Variants in SUGCT observed in about 807,000 individuals in gnomAD.
SUGCT encodes succinyl-CoA:glutarate-CoA transferase.
In SUGCT, 41 loss-of-function variants were observed where a neutral mutation model predicts 55.0. That is an observed-to-expected ratio of 0.74 (90% confidence interval 0.58 to 0.97). SUGCT has a LOEUF of 0.97. Ranked by LOEUF, SUGCT falls within the 50% of genes least tolerant of loss-of-function variation. The pLI, the probability that SUGCT is intolerant of heterozygous loss-of-function variation, is 0.00. For missense variants in SUGCT, 568 were observed against 547.8 expected (o/e 1.04, Z -0.37); for synonymous variants, 187 against 200.4 (o/e 0.93, Z 0.56).
intron 12 of SUGCT, among the ~76,000 whole-genome samples, chr7:40,717,419 G>A (rs6462988): frequency 3.9e-5 from 6 of 152,040 alleles, no homozygotes; most frequent in South Asian, 4.2e-4. Flanking sequence ...AGCTCCTCCC[G>A]TGCACAAGGC....
chr7:40,513,083 A>G (rs547985203), intron 12 of SUGCT, among the ~76,000 whole-genome samples: 33 of 152,222 alleles, frequency 2.2e-4, no homozygotes, highest in African/African-American at 7.7e-4. Flanking sequence ...TGTAGGGGAG[A>G]TCAGTCCCAT....
chr7:40,205,583 G>T (rs2150777542), intron 6 of SUGCT, among the ~76,000 whole-genome samples: 1 of 142,402 alleles, frequency 7.0e-6, no homozygotes, highest in East Asian at 2.1e-4. Context: ...GGAGATTGCA[G>T]TGAGCTGAGA....
intron 6 of SUGCT, among the ~76,000 whole-genome samples, chr7:40,228,472 G>T (rs1788521153): frequency 6.6e-6 from 1 of 151,710 alleles, no homozygotes; most frequent in Non-Finnish European, 1.5e-5. Context: ...TTTATAAACT[G>T]ATCTATAACT....
chr7:40,467,320 T>C (rs372950537), intron 11 of SUGCT, among the ~76,000 whole-genome samples: 10 of 151,950 alleles, frequency 6.6e-5, no homozygotes, highest in African/African-American at 2.4e-4. Context: ...TTGGAGTACC[T>C]AGTGTACGTC....
At chr7:40,731,322 T>C (rs1369696865) in intron 12 of SUGCT, among the ~76,000 whole-genome samples, 2 of 152,324 alleles carry the variant, frequency 1.3e-5, no homozygotes, top group East Asian at 3.9e-4. Context: ...TCAGTCCCTC[T>C]CATCTGATTA....
intron 9 of SUGCT, among the ~76,000 whole-genome samples, chr7:40,389,183 C>T (rs138580000): frequency 1.1e-3 from 172 of 152,254 alleles, no homozygotes; most frequent in Middle Eastern, 6.8e-3. Context: ...GATGGGATGG[C>T]TTATGACTGT....
chr7:40,376,326 C>T (rs1784541538), intron 9 of SUGCT, among the ~76,000 whole-genome samples: 1 of 151,444 alleles, frequency 6.6e-6, no homozygotes, highest in African/African-American at 2.4e-5. Flanking sequence ...CTTATTATTT[C>T]AACCGTTGTG....
chr7:40,159,662 C>A (rs1342324762), intron 1 of SUGCT, among the ~76,000 whole-genome samples: 3 of 152,150 alleles, frequency 2.0e-5, no homozygotes, highest in African/African-American at 7.2e-5. Flanking sequence ...AGCCACCGTG[C>A]CTGGCCGGAT....
At chr7:40,515,422 A>G (rs1167914220) in intron 12 of SUGCT, among the ~76,000 whole-genome samples, 1 of 152,190 alleles carries the variant, frequency 6.6e-6, no homozygotes, top group Non-Finnish European at 1.5e-5. Context: ...CCACCATCTA[A>G]TTTCAGGACA....
intron 13 of SUGCT, among the ~76,000 whole-genome samples, chr7:40,847,411 C>CTTTTTTTTTTTTTTTTTTTTTTTT (rs981613426): frequency 4.0e-5 from 3 of 75,398 alleles, no homozygotes; most frequent in Admixed American, 1.6e-4. Flanking sequence ...TTCTTTCTTT[C>CTTTTTTTTTTTTTTTTTTTTTTTT]TTTTTTTTTT....
chr7:40,326,497 A>G (rs1336914481), intron 9 of SUGCT, among the ~76,000 whole-genome samples: 2 of 152,144 alleles, frequency 1.3e-5, no homozygotes, highest in Non-Finnish European at 2.9e-5. Flanking sequence ...TCTTTCTTAA[A>G]CTTTATGGGA....
intron 10 of SUGCT, among the ~76,000 whole-genome samples, chr7:40,452,390 A>G (rs902205520): frequency 3.3e-5 from 5 of 152,172 alleles, no homozygotes; most frequent in African/African-American, 1.2e-4. Context: ...TGGAGAGACT[A>G]TACATTGGTT....
At chr7:40,576,525 G>A (rs756814116) in intron 12 of SUGCT, among the ~76,000 whole-genome samples, 6 of 152,182 alleles carry the variant, frequency 3.9e-5, no homozygotes, top group Non-Finnish European at 7.4e-5. Flanking sequence ...AGACCTAAGT[G>A]TTACTGCAGA....
chr7:41,025,521 C>G, the SUGCT span, among the ~76,000 whole-genome samples: 2 of 151,976 alleles, frequency 1.3e-5, no homozygotes, highest in Non-Finnish European at 2.9e-5. Context: ...AGGCACCCAC[C>G]ACCACTACTA....
intron 12 of SUGCT, among the ~76,000 whole-genome samples, chr7:40,724,538 G>A (rs1786515074): frequency 6.6e-6 from 1 of 151,748 alleles, no homozygotes; most frequent in Non-Finnish European, 1.5e-5. Flanking sequence ...ACTCCAGCCT[G>A]GTGACAGAGT....
chr7:40,154,022 G>C (rs1783754983), intron 1 of SUGCT: 1 of 266,566 alleles, frequency 3.8e-6, no homozygotes, highest in African/African-American at 2.3e-5. Context: ...TATCTGGCAT[G>C]TGATGTGTAT....
At chr7:40,764,906 G>T (rs1014213647) in intron 13 of SUGCT, among the ~76,000 whole-genome samples, 16 of 152,120 alleles carry the variant, frequency 1.1e-4, no homozygotes, top group African/African-American at 3.4e-4. Context: ...TCTTTCTGTG[G>T]TGTGGAGGCT....
chr7:40,397,820 C>G (rs1464625122), intron 9 of SUGCT, among the ~76,000 whole-genome samples: 1 of 152,156 alleles, frequency 6.6e-6, no homozygotes, highest in Non-Finnish European at 1.5e-5. Context: ...GTAACTGATG[C>G]TATTGATGGT....
the SUGCT span, among the ~76,000 whole-genome samples, chr7:40,928,527 G>A: frequency 6.6e-6 from 1 of 150,702 alleles, no homozygotes; most frequent in Non-Finnish European, 1.5e-5. Context: ...CAATTGCTTT[G>A]TTCTTTCAGT....
Sources: allele counts gnomAD v4.1 joint callset (sites outside exome capture counted in the v4.1 genomes callset), GRCh38; gene constraint gnomAD v4.1.1; transcripts MANE v1.5; gene names NCBI Gene and HGNC (gene_info 2026-07-23, HGNC 2026-07-21).